The following PDE3B variants were observed in gnomAD, a reference collection of about 807,000 sequenced individuals.
The protein encoded by PDE3B is cGMP-inhibited 3',5'-cyclic phosphodiesterase 3B.
In PDE3B, 66 loss-of-function variants were observed where a neutral mutation model predicts 116.8. The ratio of observed to expected loss-of-function variants is 0.56; its 90% CI spans 0.46 to 0.69. The LOEUF (loss-of-function observed/expected upper bound fraction) is 0.69, where lower values mean the gene tolerates loss of function less well. Ranked by LOEUF, PDE3B falls within the 30% of genes least tolerant of loss-of-function variation. The probability of loss-of-function intolerance (pLI) is 0.00; values close to 1 mark genes in which losing one functional copy is unlikely to be tolerated. For missense variants in PDE3B, 1,384 were observed against 1,368.1 expected (o/e 1.01, Z -0.18); for synonymous variants, 595 against 533.6 (o/e 1.12, Z -1.59).
intron 2 of PDE3B, among the ~76,000 whole-genome samples, chr11:14,779,696 A>G (rs1016404432): frequency 1.3e-5 from 2 of 152,236 alleles, no homozygotes; most frequent in Non-Finnish European, 2.9e-5. Flanking sequence ...AACAACTGCT[A>G]CCAGCCACTG....
chr11:14,753,408 T>C (rs1441860971), intron 1 of PDE3B, among the ~76,000 whole-genome samples: 1 of 152,152 alleles, frequency 6.6e-6, no homozygotes, highest in Non-Finnish European at 1.5e-5. Context: ...TTATGAAATA[T>C]CTTCTGTAAT....
chr11:14,654,554 T>A (rs1482446260), intron 1 of PDE3B, among the ~76,000 whole-genome samples: 1 of 152,068 alleles, frequency 6.6e-6, no homozygotes, highest in Non-Finnish European at 1.5e-5. Context: ...AAGAAATGAA[T>A]GAGATCAAGA....
chr11:14,853,548 G>T (rs1847795585), intron 12 of PDE3B, among the ~76,000 whole-genome samples: 1 of 152,186 alleles, frequency 6.6e-6, no homozygotes, highest in African/African-American at 2.4e-5. Flanking sequence ...GCTTAATGTG[G>T]TTAAGTAACA....
At chr11:14,846,012 A>G in intron 12 of PDE3B, among the ~76,000 whole-genome samples, 1 of 152,202 alleles carries the variant, frequency 6.6e-6, no homozygotes, top group African/African-American at 2.4e-5. Context: ...CTCCTCGAGA[A>G]GAGCAACTCC....
intron 1 of PDE3B, among the ~76,000 whole-genome samples, chr11:14,769,258 T>C (rs936898731): frequency 6.6e-6 from 1 of 151,300 alleles, no homozygotes; most frequent in African/African-American, 2.4e-5. Context: ...ATGTACAATA[T>C]TGAGGGAGAT....
intron 11 of PDE3B, among the ~76,000 whole-genome samples, chr11:14,841,458 C>T (rs1045981870): frequency 1.3e-5 from 2 of 149,876 alleles, no homozygotes; most frequent in African/African-American, 4.9e-5. Flanking sequence ...AAAGAAGGCT[C>T]TTGATGATCA....
Position 14,644,081 on chromosome 11 carries a change from G to A in PDE3B, c.6G>A (p.Arg2=), listed in dbSNP as rs2133734024. 6.5e-7 allele frequency: 1 copy of A among 1,542,732 alleles called. No homozygotes were observed. The highest frequency in any genetic ancestry group is 8.7e-7 in the Non-Finnish European group (1 of 1,155,344). Residue 2 remains arginine (R), a synonymous_variant, in exon 1 of 16, where the codon AGG becomes AGA. Coordinates refer to ENST00000282096, the MANE Select transcript of PDE3B (RefSeq NM_000922.4). ...GGCCACCCCCGGCCCCAGCCATGAG[G>A]AGGGACGAGCGAGACGCCAAAGCCA... M[R]RDERDAKAMR...
intron 13 of PDE3B, among the ~76,000 whole-genome samples, chr11:14,860,144 G>T (rs1202009230): frequency 6.6e-6 from 1 of 152,116 alleles, no homozygotes; most frequent in Non-Finnish European, 1.5e-5. Flanking sequence ...TTTCATAGTT[G>T]TATAGTCTTA....
At chr11:14,737,135 A>T (rs1266813298) in intron 1 of PDE3B, among the ~76,000 whole-genome samples, 4 of 152,216 alleles carry the variant, frequency 2.6e-5, no homozygotes, top group African/African-American at 4.8e-5. Flanking sequence ...ACGAAATGTG[A>T]TACATAAAAA....
intron 11 of PDE3B, 51 bp downstream of exon 11, chr11:14,835,146 A>C (rs781119553): frequency 6.1e-6 from 7 of 1,151,302 alleles, no homozygotes; most frequent in Non-Finnish European, 7.6e-6. Flanking sequence ...ATAGTAAATC[A>C]AGCTTTCTCA....
chr11:14,737,618 AT>A (rs551841003), intron 1 of PDE3B, among the ~76,000 whole-genome samples: 80 of 151,998 alleles, frequency 5.3e-4, no homozygotes, highest in African/African-American at 1.7e-3. Context: ...AAAATTAACC[AT>A]TTTTTTTATT....
At chr11:14,715,650 A>AT (rs1736151514) in intron 1 of PDE3B, among the ~76,000 whole-genome samples, 1 of 151,948 alleles carries the variant, frequency 6.6e-6, no homozygotes, top group African/African-American at 2.4e-5. Context: ...TCAGCTTAAG[A>AT]TTTTGGGCTG....
the PDE3B span, among the ~76,000 whole-genome samples, chr11:14,881,699 A>C: frequency 6.6e-6 from 1 of 152,066 alleles, no homozygotes; most frequent in Non-Finnish European, 1.5e-5. Context: ...ACCTCTCCCT[A>C]CTTGCTCTGT....
At chr11:14,736,488 G>C (rs1216696710) in intron 1 of PDE3B, among the ~76,000 whole-genome samples, 1 of 152,154 alleles carries the variant, frequency 6.6e-6, no homozygotes, top group Non-Finnish European at 1.5e-5. Flanking sequence ...TTACTGACAA[G>C]AGTATAACTA....
chr11:14,733,466 A>C (rs1856517381), intron 1 of PDE3B, among the ~76,000 whole-genome samples: 1 of 152,132 alleles, frequency 6.6e-6, no homozygotes, highest in Non-Finnish European at 1.5e-5. Flanking sequence ...ATGTAGTATG[A>C]GTTCTGAAAT....
At chr11:14,886,205 T>C in the PDE3B span, 22 of 396,120 alleles carry the variant, frequency 5.6e-5, no homozygotes, top group Non-Finnish European at 9.4e-5. Context: ...GGTTTGCCAT[T>C]AAACAGATAA....
intron 1 of PDE3B, chr11:14,698,968 G>A (rs1489906095): frequency 6.6e-6 from 1 of 151,888 alleles, no homozygotes; most frequent in Non-Finnish European, 1.5e-5. Flanking sequence ...TGTTCTTTTG[G>A]AAACTTGTAA....
intron 2 of PDE3B, among the ~76,000 whole-genome samples, chr11:14,780,997 A>G (rs1857977177): frequency 6.6e-6 from 1 of 152,228 alleles, no homozygotes; most frequent in African/African-American, 2.4e-5. Flanking sequence ...CACCAATCCT[A>G]CAGAGATACA....
At chr11:14,664,119 A>T (rs1186734609) in intron 1 of PDE3B, among the ~76,000 whole-genome samples, 3 of 152,234 alleles carry the variant, frequency 2.0e-5, no homozygotes, top group African/African-American at 7.2e-5. Context: ...ATCTCACTCA[A>T]AACCGCTCAA....
Sources: allele counts gnomAD v4.1 joint callset (sites outside exome capture counted in the v4.1 genomes callset), GRCh38; gene constraint gnomAD v4.1.1; transcripts MANE v1.5; gene names NCBI Gene and HGNC (gene_info 2026-07-23, HGNC 2026-07-21).